KMO: variants seen among roughly 807,000 people sequenced by gnomAD.
KMO encodes the protein kynurenine 3-hydroxylase.
KMO carries 24 observed loss-of-function variants against 57.8 expected under a neutral mutation model. The ratio of observed to expected loss-of-function variants is 0.42; its 90% CI spans 0.30 to 0.58. KMO has a LOEUF of 0.58. KMO is among the 20% of genes least tolerant of loss of function. The pLI, the probability that KMO is intolerant of heterozygous loss-of-function variation, is 0.22. For synonymous variants in KMO, 210 were observed against 193.6 expected, an observed-to-expected ratio of 1.08 and a Z score of -0.70; for missense variants, 483 against 588.2, an observed-to-expected ratio of 0.82 and a Z score of 1.85.
intron 1 of KMO, among the ~76,000 whole-genome samples, 198 bp downstream of exon 1, chr1:241,532,696 T>C (rs1288687960): frequency 1.3e-5 from 2 of 151,902 alleles, no homozygotes; most frequent in Non-Finnish European, 2.9e-5. Context: ...AATCTGTTCT[T>C]TTTCAGGAAA....
intron 7 of KMO, among the ~76,000 whole-genome samples, chr1:241,562,886 G>C (rs867079975): frequency 1.3e-5 from 1 of 74,968 alleles, no homozygotes; most frequent in East Asian, 3.4e-4. Context: ...AAGGAAGGAA[G>C]GAAGGAAGGA....
At chr1:241,534,239 C>G (rs532886226) in intron 1 of KMO, among the ~76,000 whole-genome samples, 1 of 152,200 alleles carries the variant, frequency 6.6e-6, no homozygotes, top group Non-Finnish European at 1.5e-5. Context: ...GAGGCTGTTA[C>G]GTTAGCTCAA....
At position 241,560,502 on chromosome 1, in the gene KMO, C is replaced by A. The variant is rs534987966; in HGVS notation, c.362-163C>A. On this transcript the variant is annotated intron_variant, in intron 5 of 14. Transcript: ENST00000366559. ...CTACCAAATTATACTGAAATAGTTA[C>A]CAAACAGTTGTCAAATTACCATTTA... Among the ~76,000 whole-genome samples, 3 of 152,264 alleles carry A rather than the reference C, an allele frequency of 2.0e-5. No homozygotes were observed. In the South Asian group the frequency reaches 6.2e-4, roughly 32 times the overall value.
At chr1:241,575,523 C>T (rs146903663) in intron 10 of KMO, among the ~76,000 whole-genome samples, 1,613 of 152,046 alleles carry the variant, frequency 0.011, 26 homozygotes, top group Middle Eastern at 0.02. Flanking sequence ...TCATTGTTAA[C>T]CCCAAAATCA....
In KMO at chr1:241,562,327, G is replaced by A. The variant is rs372169138; in HGVS notation, c.610G>A (p.Gly204Arg). The change falls in exon 7 of 15, where the codon GGA becomes AGA. Residue 204 changes from glycine (G) to arginine (R), a missense_variant. Transcript: ENST00000366559. ...YMELTIPPKN[G>R]DYAMEPNYLH... ...GGAGTTGACTATTCCACCTAAGAAC[G>A]GAGATGTAAGTCCTTGCCCTTTTTC... 6 of 1,613,852 alleles carry A rather than the reference G, an allele frequency of 3.7e-6. No individual in the cohort carries two copies. The highest frequency in any genetic ancestry group is 5.1e-6 in the Non-Finnish European group (6 of 1,179,908).
At chr1:241,572,821 C>T (rs1237196039) in intron 10 of KMO, among the ~76,000 whole-genome samples, 1 of 151,928 alleles carries the variant, frequency 6.6e-6, no homozygotes, top group Non-Finnish European at 1.5e-5. Context: ...GTCACCAAAG[C>T]CCATTATATT....
chr1:241,536,228 G>A (rs1660747442), intron 1 of KMO, among the ~76,000 whole-genome samples: 1 of 152,040 alleles, frequency 6.6e-6, no homozygotes, highest in African/African-American at 2.4e-5. Context: ...CTACAGTGTA[G>A]CTTTTCAATT....
chr1:241,551,194 AAG>A, intron 4 of KMO, 150 bp downstream of exon 4: 2 of 557,134 alleles, frequency 3.6e-6, no homozygotes, highest in South Asian at 4.8e-5. Flanking sequence ...ACTAGTTGGC[AAG>A]TTTATTCAGA....
intron 14 of KMO, among the ~76,000 whole-genome samples, chr1:241,590,517 C>G (rs1018464517): frequency 3.9e-5 from 6 of 152,182 alleles, no homozygotes; most frequent in Non-Finnish European, 7.3e-5. Flanking sequence ...CAACTTTTTA[C>G]TTTATTTTAG....
At chr1:241,588,690 G>A in intron 11 of KMO, 58 bp from the exon 12 acceptor site, 2 of 1,252,946 alleles carry the variant, frequency 1.6e-6, no homozygotes, top group Admixed American at 1.7e-5. Context: ...TTTGACCTGT[G>A]TAGAGTTCAG....
At position 241,566,591 on chromosome 1, in the gene KMO, A is replaced by T. The variant is rs1325094549; in HGVS notation, c.788A>T (p.Asp263Val). Residue 263 changes from aspartate (D) to valine (V), a missense_variant, in exon 9 of 15, where the codon GAT becomes GTT. Transcript: ENST00000366559. ...VVDFFQKYFP[D>V]AIPLIGEKLL... ...GATTTCTTCCAGAAATACTTTCCGGATGCCATCCCTCTAATTGGAGAGTAA... is the reference window on the plus strand; with the variant it reads ...GATTTCTTCCAGAAATACTTTCCGGTTGCCATCCCTCTAATTGGAGAGTAA... 6.2e-7 allele frequency: 1 copy of T among 1,613,756 alleles called. No homozygotes were observed. Among genetic ancestry groups the T allele is most frequent in the African/African-American group, 1.3e-5 (1 of 74,914 alleles).
chr1:241,557,520 A>T (rs1044122150), intron 5 of KMO, among the ~76,000 whole-genome samples: 2 of 152,198 alleles, frequency 1.3e-5, no homozygotes, highest in African/African-American at 4.8e-5. Context: ...GAGGAATTTC[A>T]CTTTAGTTGA....
Position 241,533,251 on chromosome 1 carries a change from ATCCCAGTTAGTCAAGGTTAAATCATT to A in KMO, c.54+758_54+783del, listed in dbSNP as rs1660637476. Among the ~76,000 whole-genome samples, 5 of 152,378 alleles carry A rather than the reference ATCCCAGTTAGTCAAGGTTAAATCATT, an allele frequency of 3.3e-5. No homozygotes were observed. The South Asian group carries it at 1.0e-3, about 32-fold the overall frequency. On this transcript the variant is annotated intron_variant, in intron 1 of 14. Transcript: ENST00000366559. Reference sequence around the variant, plus strand: ...AGAATTTCTGTTTCAGAATACAAACATCCCAGTTAGTCAAGGTTAAATCATTTCCCTATCACCTTTGGTCAAATCAT... The same window carrying A: ...AGAATTTCTGTTTCAGAATACAAACATCCCTATCACCTTTGGTCAAATCAT...
chr1:241,546,570 G>A (rs2147945741), intron 1 of KMO, among the ~76,000 whole-genome samples: 1 of 152,274 alleles, frequency 6.6e-6, no homozygotes, highest in East Asian at 1.9e-4. Flanking sequence ...ATGGGTAGAT[G>A]GAAAAACATT....
In KMO at chr1:241,568,356, C is replaced by T. The variant is rs539197931; in HGVS notation, c.810-144C>T. 5.1e-5 allele frequency: 38 copies of T among 742,030 alleles called. 1 individual carries two copies. The South Asian group carries it at 6.7e-4, about 13-fold the overall frequency. 46.0% of individuals were successfully genotyped at this position (742,030 alleles called of 1,614,324 possible). On this transcript the variant is annotated intron_variant, in intron 9 of 14. Coordinates refer to ENST00000366559, the MANE Select transcript of KMO (RefSeq NM_003679.5). Reference sequence around the variant, plus strand: ...TGGAATTTTAGGACTGGAAAAACTTCAGTTTTTCCCTTTTCTGTTTTCTTC... The same window carrying T: ...TGGAATTTTAGGACTGGAAAAACTTTAGTTTTTCCCTTTTCTGTTTTCTTC...
intron 7 of KMO, among the ~76,000 whole-genome samples, chr1:241,562,565 C>A (rs1225096544): frequency 3.3e-5 from 5 of 152,182 alleles, no homozygotes; most frequent in African/African-American, 1.2e-4. Context: ...GCAGTCTGGG[C>A]ACAGTGGCTC....
intron 10 of KMO, 36 bp from the exon 11 acceptor site, chr1:241,586,635 TATTATTTC>T: frequency 2.3e-6 from 3 of 1,299,588 alleles, no homozygotes; most frequent in Non-Finnish European, 3.3e-6. Context: ...GTTTCTTTTT[TATTATTTC>T]TAGTTTCTTA....
At chr1:241,567,854 G>T (rs1662141782) in intron 9 of KMO, among the ~76,000 whole-genome samples, 1 of 152,182 alleles carries the variant, frequency 6.6e-6, no homozygotes, top group Non-Finnish European at 1.5e-5. Flanking sequence ...TTTCCAGCCA[G>T]ATTTAAGATT....
chr1:241,567,218 A>G (rs965814679), intron 9 of KMO, among the ~76,000 whole-genome samples: 1 of 152,204 alleles, frequency 6.6e-6, no homozygotes, highest in African/African-American at 2.4e-5. Context: ...GTGAGCCATA[A>G]TAAAACTACC....
Sources: allele counts gnomAD v4.1 joint callset (sites outside exome capture counted in the v4.1 genomes callset), GRCh38; gene constraint gnomAD v4.1.1; transcripts MANE v1.5; gene names NCBI Gene and HGNC (gene_info 2026-07-23, HGNC 2026-07-21).